Variants in SLC6A6 observed in about 807,000 individuals in gnomAD.
SLC6A6 encodes the protein solute carrier family 6 member 6.
Under a neutral mutation model 68.8 loss-of-function variants are expected in SLC6A6, and 16 were observed. That is an observed-to-expected ratio of 0.23 (90% CI 0.16 to 0.35). SLC6A6 has a LOEUF of 0.35. SLC6A6 is among the 10% of genes least tolerant of loss of function. The probability of loss-of-function intolerance (pLI) is 1.00; values close to 1 mark genes in which losing one functional copy is unlikely to be tolerated. For synonymous variants in SLC6A6, 312 were observed against 315.4 expected (o/e 0.99, Z 0.12); for missense variants, 474 against 802.8 (o/e 0.59, Z 4.95).
intron 2 of SLC6A6, among the ~76,000 whole-genome samples, chr3:14,420,545 C>A (rs1196425195): frequency 7.0e-6 from 1 of 143,828 alleles, no homozygotes; most frequent in Non-Finnish European, 1.5e-5. Flanking sequence ...GGCTGGAGAG[C>A]AGTGGTGTGA....
chr3:14,414,788 A>G (rs1160920298), intron 1 of SLC6A6, among the ~76,000 whole-genome samples: 1 of 152,066 alleles, frequency 6.6e-6, no homozygotes, highest in Non-Finnish European at 1.5e-5. Context: ...CTCAGCCTCC[A>G]AGAGTGCTGG....
intron 2 of SLC6A6, among the ~76,000 whole-genome samples, chr3:14,432,330 C>T (rs910384113): frequency 9.9e-5 from 15 of 152,218 alleles, no homozygotes; most frequent in Non-Finnish European, 1.9e-4. Flanking sequence ...TACCCTACCC[C>T]GCCCCCATTT....
chr3:14,415,784 ATTTCCT>A (rs1699350743), intron 1 of SLC6A6, among the ~76,000 whole-genome samples: 7 of 152,232 alleles, frequency 4.6e-5, no homozygotes, highest in African/African-American at 1.7e-4. Flanking sequence ...AGCTCAGCAG[ATTTCCT>A]AGGCACAGTG....
chr3:14,447,526 C>T (rs1027154410), intron 4 of SLC6A6, 56 bp from the exon 5 acceptor site: 91 of 1,597,806 alleles, frequency 5.7e-5, no homozygotes, highest in African/African-American at 8.0e-5. Context: ...AGTATGTGGC[C>T]GTGGTGGGTC....
At chr3:14,456,868 C>T (rs1460790920) in intron 5 of SLC6A6, among the ~76,000 whole-genome samples, 2 of 152,246 alleles carry the variant, frequency 1.3e-5, no homozygotes, top group Non-Finnish European at 2.9e-5. Flanking sequence ...AGCATGCAGA[C>T]CCTGTCTCTT....
At chr3:14,466,247 G>A (rs1218694571) in intron 6 of SLC6A6, among the ~76,000 whole-genome samples, 5 of 146,920 alleles carry the variant, frequency 3.4e-5, no homozygotes, top group African/African-American at 5.1e-5. Flanking sequence ...GGGTGACAGC[G>A]AGGCTCCGTC....
At chr3:14,456,191 A>C (rs1420073808) in intron 5 of SLC6A6, among the ~76,000 whole-genome samples, 2 of 152,220 alleles carry the variant, frequency 1.3e-5, no homozygotes, top group African/African-American at 4.8e-5. Flanking sequence ...AGGCCTTGGA[A>C]AGCAGGTGGT....
intron 2 of SLC6A6, among the ~76,000 whole-genome samples, chr3:14,417,177 A>C (rs1238733382): frequency 2.6e-5 from 4 of 152,172 alleles, no homozygotes; most frequent in African/African-American, 9.7e-5. Context: ...GCAAAAATTA[A>C]AAATAATATA....
chr3:14,436,235 C>T (rs1297626830), intron 2 of SLC6A6, among the ~76,000 whole-genome samples: 1 of 152,204 alleles, frequency 6.6e-6, no homozygotes, highest in African/African-American at 2.4e-5. Flanking sequence ...GGGTCTTGCT[C>T]TGTCACCCAG....
intron 1 of SLC6A6, among the ~76,000 whole-genome samples, chr3:14,407,417 A>G (rs1457914286): frequency 6.6e-6 from 1 of 151,948 alleles, no homozygotes; most frequent in South Asian, 2.1e-4. Flanking sequence ...TGTAACCACC[A>G]CCCAAATCAA....
At chr3:14,412,839 A>G (rs1699279961) in intron 1 of SLC6A6, among the ~76,000 whole-genome samples, 1 of 152,200 alleles carries the variant, frequency 6.6e-6, no homozygotes. Context: ...CAAAGACACC[A>G]CTATTCCCAT....
intron 2 of SLC6A6, among the ~76,000 whole-genome samples, chr3:14,426,823 A>G (rs1699610234): frequency 2.0e-5 from 3 of 152,064 alleles, no homozygotes; most frequent in Admixed American, 2.0e-4. Flanking sequence ...GGTGAGGAAG[A>G]AGAAACTTCT....
intron 10 of SLC6A6, among the ~76,000 whole-genome samples, chr3:14,473,627 G>A (rs1409543912): frequency 6.6e-6 from 1 of 152,204 alleles, no homozygotes; most frequent in Non-Finnish European, 1.5e-5. Flanking sequence ...GGATTTGGCA[G>A]AGAAGGGGGC....
At chr3:14,418,006 A>T (rs189641127) in intron 2 of SLC6A6, among the ~76,000 whole-genome samples, 1 of 152,332 alleles carries the variant, frequency 6.6e-6, no homozygotes, top group Admixed American at 6.5e-5. Flanking sequence ...CTCAGCGTTC[A>T]TTAAATACAT....
Position 14,478,371 on chromosome 3 carries a change from T to C in SLC6A6, c.1348-95T>C, listed in dbSNP as rs893777381. On this transcript the variant is annotated intron_variant, in intron 11 of 14. Transcript: ENST00000622186. ...GTCTTTGTCCATTTTTCTCTTGGGT[T>C]TTTTTAATCTTATTGATATGCCAGA... 4 of 750,432 alleles carry C rather than the reference T, an allele frequency of 5.3e-6. No individual in the cohort carries two copies. In the African/African-American group the frequency reaches 7.0e-5, roughly 13 times the overall value. The allele number at this position is 750,432 out of a possible 1,614,324, so 46.5% of individuals were successfully genotyped here. A position where few individuals can be genotyped will look rare whatever the true frequency, so the allele number is the denominator to read the frequency against.
chr3:14,484,044 G>C (rs1701076938), intron 14 of SLC6A6, among the ~76,000 whole-genome samples: 1 of 152,180 alleles, frequency 6.6e-6, no homozygotes. Flanking sequence ...TAAATGCCTA[G>C]AAAGAGGGCT....
At chr3:14,425,487 C>T (rs963549437) in intron 2 of SLC6A6, among the ~76,000 whole-genome samples, 1 of 152,010 alleles carries the variant, frequency 6.6e-6, no homozygotes, top group Non-Finnish European at 1.5e-5. Flanking sequence ...AACTGCTTGA[C>T]CAAATAAATA....
chr3:14,481,144 C>G lies in SLC6A6; in HGVS notation c.1552-527C>G, dbSNP rs1700997460. On this transcript the variant is annotated intron_variant, in intron 13 of 14. Coordinates refer to ENST00000622186, the MANE Select transcript of SLC6A6 (RefSeq NM_003043.6). This position sits in a 1 kb window ranked among gnomAD's most constrained non-coding sequence, Gnocchi z 4.7. ...CTCTCAGACTCACAGTCTGGCAGAA[C>G]ACGTGTGCCCAAGAGATGGTTACAA... 1.3e-5 allele frequency among the ~76,000 whole-genome samples: 2 copies of G among 152,250 alleles called. No individual in the cohort carries two copies. Among genetic ancestry groups the G allele is most frequent in the Non-Finnish European group, 2.9e-5 (2 of 68,052 alleles).
intron 6 of SLC6A6, among the ~76,000 whole-genome samples, chr3:14,458,613 C>T (rs916683075): frequency 1.3e-5 from 2 of 152,214 alleles, no homozygotes; most frequent in African/African-American, 4.8e-5. Flanking sequence ...AACTCCAAGG[C>T]TGCGTTGTAA....
Sources: allele counts gnomAD v4.1 joint callset (sites outside exome capture counted in the v4.1 genomes callset), GRCh38; gene constraint gnomAD v4.1.1; non-coding constraint Gnocchi (gnomAD v3.1); transcripts MANE v1.5; gene names NCBI Gene and HGNC (gene_info 2026-07-23, HGNC 2026-07-21).